USP37: variants seen among roughly 807,000 people sequenced by gnomAD.
USP37 encodes ubiquitin carboxyl-terminal hydrolase 37.
USP37 carries 27 observed loss-of-function variants against 124.0 expected under a neutral mutation model. The observed-to-expected ratio is 0.22, with a 90% CI of 0.16 to 0.30. The LOEUF (loss-of-function observed/expected upper bound fraction) is 0.30. Ranked by LOEUF, USP37 falls within the 10% of genes least tolerant of loss-of-function variation. The pLI, the probability that USP37 is intolerant of heterozygous loss-of-function variation, is 1.00. For synonymous variants in USP37, 365 were observed against 388.0 expected, an observed-to-expected ratio of 0.94 and a Z score of 0.70; for missense variants, 889 against 1,140.4, an observed-to-expected ratio of 0.78 and a Z score of 3.17.
At chr2:218,459,980 C>T (rs1431574562) in intron 22 of USP37, 75 bp from the exon 23 acceptor site, 1 of 1,153,236 alleles carries the variant, frequency 8.7e-7, no homozygotes, top group East Asian at 2.6e-5. Context: ...CCTGTAATCC[C>T]AACACTTTGG....
At chr2:218,467,226 G>A (rs1690382195) in intron 20 of USP37, among the ~76,000 whole-genome samples, 1 of 135,352 alleles carries the variant, frequency 7.4e-6, no homozygotes, top group South Asian at 2.2e-4. Flanking sequence ...GTGGCTCACT[G>A]CAACCTCCAC....
chr2:218,470,461 G>T (rs1274961619), intron 20 of USP37, among the ~76,000 whole-genome samples: 1 of 152,074 alleles, frequency 6.6e-6, no homozygotes, highest in Non-Finnish European at 1.5e-5. Context: ...TAGCCAGAAT[G>T]ATCTTTTCTT....
chr2:218,476,898 A>C lies in USP37; in HGVS notation c.1985T>G (p.Leu662Arg). The change falls in exon 19 of 26, where the codon CTC (leucine) becomes CGC (arginine). Residue 662 changes from leucine (L) to arginine (R), a missense_variant. Physicochemically the swap from Leu to Arg is moderately radical, Grantham distance 102 (BLOSUM62 -2). Around this residue, in one of 3 missense-constraint regions of USP37, gnomAD observed 504 missense variants for 714.3 expected, o/e 0.71. Transcript: ENST00000258399. ...TAACATTTCACAAAGTCTCTGGCTG[A>C]GGGCCACAGAACGTTTTAGCTCATC... is the stretch of plus-strand genomic sequence containing the variant. ...SEDELKRSVALSQRLCEMLGN... is the reference protein window; with the variant it reads ...SEDELKRSVARSQRLCEMLGN... The C allele has an allele frequency of 6.2e-7, 1 of 1,610,774 alleles. No individual in the cohort carries two copies. The highest frequency in any genetic ancestry group is 8.5e-7 in the Non-Finnish European group (1 of 1,178,638).
At chr2:218,520,194 A>G (rs1690527889) in intron 10 of USP37, among the ~76,000 whole-genome samples, 1 of 152,114 alleles carries the variant, frequency 6.6e-6, no homozygotes, top group African/African-American at 2.4e-5. Context: ...CACCCACCTC[A>G]GCCTCCCAAA....
intron 19 of USP37, among the ~76,000 whole-genome samples, chr2:218,476,092 G>GGGA (rs1450594488): frequency 6.6e-6 from 1 of 152,046 alleles, no homozygotes; most frequent in Non-Finnish European, 1.5e-5. Flanking sequence ...TTATTTAAAA[G>GGGA]GGAGGCTTAA....
At chr2:218,518,810 CTTTCT>C (rs1178422899) in intron 10 of USP37, among the ~76,000 whole-genome samples, 3 of 151,982 alleles carry the variant, frequency 2.0e-5, no homozygotes, top group African/African-American at 4.8e-5. Flanking sequence ...TTTCTTCTTT[CTTTCT>C]TTTCTTTTTT....
chr2:218,556,665 T>C (rs977050987), intron 4 of USP37, among the ~76,000 whole-genome samples: 5 of 151,704 alleles, frequency 3.3e-5, no homozygotes, highest in African/African-American at 4.8e-5. Flanking sequence ...AGGTGCCCAC[T>C]ACCGTGCCTG....
intron 10 of USP37, chr2:218,528,922 AC>A (rs1342787622): frequency 2.5e-6 from 1 of 401,720 alleles, no homozygotes; most frequent in Non-Finnish European, 4.4e-6. Flanking sequence ...CTGCTGTAAT[AC>A]AGCTTTTGAT....
rs1436304224 is a variant in USP37 at position 218,488,379 on chromosome 2, G to A, written c.1515C>T (p.Leu505=). 1 of 1,612,548 alleles carries A rather than the reference G, an allele frequency of 6.2e-7. No individual in the cohort carries two copies. The highest frequency in any genetic ancestry group is 1.3e-5 in the African/African-American group (1 of 74,818). ...TTTTCCTACGAGGAAGGTCAATAGA[G>A]AGGTCATTAAACTGTTCTCTTTTGG... ...IIPKREQFND[L]SIDLPRRKKP... Residue 505 remains leucine (L), a synonymous_variant, in exon 15 of 26, where the codon CTC becomes CTT. Coordinates refer to ENST00000258399, the MANE Select transcript of USP37 (RefSeq NM_020935.3).
chr2:218,552,879 C>G (rs901403631), intron 5 of USP37, among the ~76,000 whole-genome samples: 4 of 152,168 alleles, frequency 2.6e-5, no homozygotes, highest in African/African-American at 9.7e-5. Flanking sequence ...GATCACACGA[C>G]TGCACTCCAG....
At chr2:218,472,704 G>A (rs1690761348) in intron 20 of USP37, among the ~76,000 whole-genome samples, 1 of 151,912 alleles carries the variant, frequency 6.6e-6, no homozygotes. Flanking sequence ...GATCTCAGGT[G>A]ATTCACCCAC....
At chr2:218,455,141 T>C in intron 25 of USP37, 124 bp from the exon 26 acceptor site, 1 of 1,151,560 alleles carries the variant, frequency 8.7e-7, no homozygotes, top group South Asian at 1.4e-5. Context: ...TTCATGCCTG[T>C]ATTTTATTTA....
chr2:218,467,018 A>T (rs1000185515), intron 20 of USP37, among the ~76,000 whole-genome samples: 31 of 152,306 alleles, frequency 2.0e-4, no homozygotes, highest in African/African-American at 6.5e-4. Context: ...GGTGTGAGCC[A>T]CTGTGCCTCG....
chr2:218,513,652 T>C (rs554482529), intron 10 of USP37, among the ~76,000 whole-genome samples: 2 of 152,338 alleles, frequency 1.3e-5, no homozygotes, highest in Non-Finnish European at 2.9e-5. Flanking sequence ...AATGGAATCT[T>C]ACAATATGCA....
chr2:218,466,578 A>G (rs1690335508), intron 20 of USP37, among the ~76,000 whole-genome samples: 1 of 152,210 alleles, frequency 6.6e-6, no homozygotes, highest in Non-Finnish European at 1.5e-5. Context: ...TCTAAAAGTT[A>G]ATTAATCATC....
At chr2:218,480,271 G>A in intron 17 of USP37, among the ~76,000 whole-genome samples, 1 of 152,022 alleles carries the variant, frequency 6.6e-6, no homozygotes, top group South Asian at 2.1e-4. Context: ...ATGGTGGCAG[G>A]CGCCTGTAGT....
chr2:218,496,000 A>G (rs761156680), intron 13 of USP37, 50 bp from the exon 14 acceptor site: 2 of 1,546,216 alleles, frequency 1.3e-6, no homozygotes, highest in Non-Finnish European at 8.7e-7. Context: ...TCTTGTCACA[A>G]TAGCTTACTG....
At chr2:218,567,198 C>T (rs1693659743) in intron 1 of USP37, among the ~76,000 whole-genome samples, 1 of 152,106 alleles carries the variant, frequency 6.6e-6, no homozygotes. Context: ...CAAGTGAGTA[C>T]TTTTATATCA....
At position 218,476,924 on chromosome 2, in the gene USP37, C is replaced by T. The variant is rs1399261317; in HGVS notation, c.1959G>A (p.Glu653=). 1.2e-6 allele frequency: 2 copies of T among 1,607,688 alleles called. No individual in the cohort carries two copies. Among genetic ancestry groups the T allele is most frequent in the Non-Finnish European group, 1.7e-6 (2 of 1,177,274 alleles). ...GGGCCACAGAACGTTTTAGCTCATCCTCACTGTCTGAATCAAGGCATAAAG... is the reference window on the plus strand; with the variant it reads ...GGGCCACAGAACGTTTTAGCTCATCTTCACTGTCTGAATCAAGGCATAAAG... The part of the protein sequence containing the change: ...SLALCLDSDS[E]DELKRSVALS... The change falls in exon 19 of 26, where the codon GAG becomes GAA. Residue 653 remains glutamate, a synonymous_variant. Transcript: ENST00000258399.
Sources: allele counts gnomAD v4.1 joint callset (sites outside exome capture counted in the v4.1 genomes callset), GRCh38; gene constraint gnomAD v4.1.1; regional missense constraint gnomAD v4.1.1; transcripts MANE v1.5; gene names NCBI Gene and HGNC (gene_info 2026-07-23, HGNC 2026-07-21).